The following PRH1 variants were observed in gnomAD, a reference collection of about 807,000 sequenced individuals.
PRH1 encodes salivary acidic proline-rich phosphoprotein 1/2.
PRH1 carries 7 observed loss-of-function variants against 7.9 expected under a neutral mutation model. The ratio of observed to expected loss-of-function variants is 0.89; its 90% CI spans 0.50 to 1.67. The LOEUF is 1.67. Among genes scored for constraint, PRH1 ranks in the 40% most tolerant of loss-of-function variants. The pLI is 0.00. For missense variants in PRH1, 109 were observed against 223.6 expected, an observed-to-expected ratio of 0.49 and a Z score of 3.27; for synonymous variants, 45 against 80.8, an observed-to-expected ratio of 0.56 and a Z score of 2.38.
In PRH1 at chr12:11,074,087, C is replaced by A. The variant is rs368786082; in HGVS notation, n.124-26899G>T. On this transcript the variant is annotated intron_variant and non_coding_transcript_variant, in intron 1 of 4. Transcript: ENST00000541977. Reference sequence around the variant, plus strand: ...TGTGCTTCCTCAGATTCCCTTGACTCTCTCCTGTTCCCATGGTCAGCACCT... The same window carrying A: ...TGTGCTTCCTCAGATTCCCTTGACTATCTCCTGTTCCCATGGTCAGCACCT... Among the ~76,000 whole-genome samples, 3 of 118,656 alleles carry A rather than the reference C, an allele frequency of 2.5e-5. No individual in the cohort carries two copies. The South Asian group carries it at 7.6e-4, about 30-fold the overall frequency. The allele number at this position is 118,656 out of a possible 152,430, so 77.8% of individuals were successfully genotyped here.
At chr12:11,150,199 G>A (rs1947023209) in intron 1 of PRH1, among the ~76,000 whole-genome samples, 1 of 151,232 alleles carries the variant, frequency 6.6e-6, no homozygotes, top group African/African-American at 2.4e-5. Context: ...TGGAGAAATA[G>A]GAACACTTTT....
intron 1 of PRH1, among the ~76,000 whole-genome samples, chr12:11,107,317 G>A (rs1205456059): frequency 1.3e-5 from 2 of 152,034 alleles, no homozygotes; most frequent in Non-Finnish European, 2.9e-5. Context: ...TTCCATTTTT[G>A]GGCAGAATGC....
intron 1 of PRH1, chr12:11,022,451 T>C: frequency 1.2e-6 from 2 of 1,614,100 alleles, no homozygotes; most frequent in Non-Finnish European, 1.7e-6. Flanking sequence ...GCTGAGGAGA[T>C]CTTTCGTGTG....
At chr12:10,956,476 G>A (rs1039414758) in intron 2 of PRH1, among the ~76,000 whole-genome samples, 1 of 152,056 alleles carries the variant, frequency 6.6e-6, no homozygotes, top group Non-Finnish European at 1.5e-5. Context: ...TACTAAATGG[G>A]CAAAACTGGA....
intron 1 of PRH1, among the ~76,000 whole-genome samples, chr12:11,012,005 T>C (rs1453512678): frequency 6.6e-6 from 1 of 152,128 alleles, no homozygotes; most frequent in African/African-American, 2.4e-5. Flanking sequence ...GTCTCATGCT[T>C]AGGCTTTTGA....
chr12:10,969,183 C>G (rs1038096924), intron 2 of PRH1, among the ~76,000 whole-genome samples: 6 of 152,210 alleles, frequency 3.9e-5, no homozygotes, highest in African/African-American at 1.4e-4. Context: ...CAGCCAGACT[C>G]TTCTCGAAAG....
chr12:10,951,622 A>G (rs1937674482), intron 2 of PRH1, among the ~76,000 whole-genome samples: 2 of 152,174 alleles, frequency 1.3e-5, no homozygotes, highest in South Asian at 4.1e-4. Flanking sequence ...TTCAATATTT[A>G]TCGAACTGAT....
chr12:10,925,401 A>G (rs942862659), intron 2 of PRH1, among the ~76,000 whole-genome samples: 10 of 152,134 alleles, frequency 6.6e-5, no homozygotes, highest in African/African-American at 2.4e-4. Flanking sequence ...TGGACTTCTA[A>G]AATTTTACAT....
chr12:10,936,572 C>A (rs962045906), intron 2 of PRH1, among the ~76,000 whole-genome samples: 160 of 152,266 alleles, frequency 1.1e-3, no homozygotes, highest in African/African-American at 3.7e-3. Flanking sequence ...CTCCAACTTA[C>A]CACTGCCCAT....
At chr12:10,911,267 G>GA (rs1949895603) in intron 2 of PRH1, among the ~76,000 whole-genome samples, 2 of 152,094 alleles carry the variant, frequency 1.3e-5, no homozygotes, top group Non-Finnish European at 2.9e-5. Flanking sequence ...GCTGGTATAT[G>GA]AAAAAATACC....
chr12:10,975,479 A>C (rs1473051802), intron 1 of PRH1, among the ~76,000 whole-genome samples: 1 of 152,202 alleles, frequency 6.6e-6, no homozygotes, highest in East Asian at 1.9e-4. Context: ...ACTTAAGTAC[A>C]TAGACCAGTA....
intron 1 of PRH1, among the ~76,000 whole-genome samples, chr12:11,036,207 T>C (rs1942429196): frequency 6.6e-6 from 1 of 152,208 alleles, no homozygotes; most frequent in Admixed American, 6.5e-5. Flanking sequence ...CTGTTTTAAT[T>C]AGCAGAAATC....
At chr12:10,894,499 T>G (rs111913051) in intron 2 of PRH1, among the ~76,000 whole-genome samples, 4,707 of 152,274 alleles carry the variant, frequency 0.031, 117 homozygotes, top group Non-Finnish European at 0.04. Context: ...CCTTTCTAGT[T>G]TTAAATTATC....
intron 1 of PRH1, among the ~76,000 whole-genome samples, chr12:11,108,877 G>A (rs1251894467): frequency 6.6e-6 from 1 of 152,194 alleles, no homozygotes; most frequent in Non-Finnish European, 1.5e-5. Context: ...CTAGCTCAGT[G>A]GATCCCACCT....
At chr12:11,161,579 T>C (rs1947416003) in intron 1 of PRH1, among the ~76,000 whole-genome samples, 2 of 152,076 alleles carry the variant, frequency 1.3e-5, no homozygotes, top group Non-Finnish European at 1.5e-5. Flanking sequence ...TTTAGCAAGA[T>C]ATTATGAGAA....
At chr12:11,055,543 T>C (rs773742696) in intron 1 of PRH1, among the ~76,000 whole-genome samples, 13 of 152,276 alleles carry the variant, frequency 8.5e-5, no homozygotes, top group African/African-American at 1.2e-4. Flanking sequence ...GCTGTCTTAA[T>C]GGAAAACATG....
rs551647200 is a variant in PRH1 at position 10,986,271 on chromosome 12, A to G, written c.-125-12550T>C. On this transcript the variant is annotated intron_variant, in intron 1 of 3. Coordinates refer to the PRH1 transcript ENST00000539853. Reference sequence around the variant, plus strand: ...ATGTTTACACAGAGAACAGATTAGCATCAGAAAAGATATCAGGGACAGAGT... The same window carrying G: ...ATGTTTACACAGAGAACAGATTAGCGTCAGAAAAGATATCAGGGACAGAGT... 1.9e-6 allele frequency: 3 copies of G among 1,614,152 alleles called. No homozygotes were observed. In the South Asian group the frequency reaches 3.3e-5, roughly 18 times the overall value.
chr12:10,916,555 T>C (rs1381075455), intron 2 of PRH1, among the ~76,000 whole-genome samples: 3 of 151,960 alleles, frequency 2.0e-5, no homozygotes, highest in Non-Finnish European at 4.4e-5. Flanking sequence ...AACAACCACA[T>C]AAACTGTCAT....
intron 2 of PRH1, among the ~76,000 whole-genome samples, chr12:10,929,063 T>C (rs1203740028): frequency 1.3e-5 from 2 of 152,228 alleles, no homozygotes; most frequent in East Asian, 3.9e-4. Flanking sequence ...ACAAACAACA[T>C]CCTCCCCAAC....
Sources: allele counts gnomAD v4.1 joint callset (sites outside exome capture counted in the v4.1 genomes callset), GRCh38; gene constraint gnomAD v4.1.1; transcripts MANE v1.5; gene names NCBI Gene and HGNC (gene_info 2026-07-23, HGNC 2026-07-21).